The following WDR1 variants were observed in gnomAD, a reference collection of about 807,000 sequenced individuals.
WDR1 encodes the protein WD repeat domain 1.
WDR1 carries 21 observed loss-of-function variants against 71.9 expected under a neutral mutation model. That is an observed-to-expected ratio of 0.29 (90% CI 0.21 to 0.42). The LOEUF (loss-of-function observed/expected upper bound fraction) is 0.42, where lower values mean the gene tolerates loss of function less well. Ranked by LOEUF, WDR1 falls within the 10% of genes least tolerant of loss-of-function variation. WDR1 has a pLI of 1.00. For missense variants in WDR1, 696 were observed against 824.5 expected, an observed-to-expected ratio of 0.84 and a Z score of 1.91; for synonymous variants, 424 against 347.4, an observed-to-expected ratio of 1.22 and a Z score of -2.45.
At chr4:10,113,254 G>A (rs966417008) in intron 2 of WDR1, among the ~76,000 whole-genome samples, 12 of 152,248 alleles carry the variant, frequency 7.9e-5, no homozygotes, top group South Asian at 2.1e-4. Flanking sequence ...CCCACTACTC[G>A]GGAGGCTGAG....
At position 10,075,496 on chromosome 4, in the gene WDR1, G is replaced by C. The variant is rs148982353; in HGVS notation, c.1715-12C>G. On this transcript the variant is annotated splice_polypyrimidine_tract_variant and intron_variant, in intron 14 of 14. Coordinates refer to ENST00000499869, the MANE Select transcript of WDR1 (RefSeq NM_017491.5). ...CAGCCGGTGTGCATCTGGGAAGAAA[G>C]GGTGCAATTTAACGAAAAGCCAAAC... is the stretch of plus-strand genomic sequence containing the variant. The C allele has an allele frequency of 1.2e-6, 2 of 1,613,338 alleles. No homozygotes were observed. Among genetic ancestry groups the C allele is most frequent in the East Asian group, 2.2e-5 (1 of 44,890 alleles).
In WDR1 at chr4:10,114,692, G is replaced by A. The variant is rs531432480; in HGVS notation, c.138+1421C>T. On this transcript the variant is annotated intron_variant, in intron 2 of 14. Transcript: ENST00000499869. The stretch of plus-strand genomic sequence containing the variant: ...CTCAAAAGCCTCAGGACCTGCCTTC[G>A]GAGACTTCCAGATCATTACCATTAG... 1.9e-3 allele frequency among the ~76,000 whole-genome samples: 287 copies of A among 152,310 alleles called. 1 individual carries two copies. The highest frequency in any genetic ancestry group is 6.4e-3 in the African/African-American group (267 of 41,554).
intron 8 of WDR1, among the ~76,000 whole-genome samples, chr4:10,084,892 C>T (rs775209546): frequency 6.6e-6 from 1 of 152,206 alleles, no homozygotes. Context: ...GCACCCGTCG[C>T]GGGGAGCCAC....
intron 8 of WDR1, among the ~76,000 whole-genome samples, chr4:10,087,383 C>T (rs1167690386): frequency 6.6e-6 from 1 of 152,284 alleles, no homozygotes; most frequent in Non-Finnish European, 1.5e-5. Flanking sequence ...ACTCCCAATT[C>T]AGGGAAGGCA....
chr4:10,102,916 C>T (rs1340613107), intron 3 of WDR1, among the ~76,000 whole-genome samples: 56 of 152,048 alleles, frequency 3.7e-4, no homozygotes, highest in Non-Finnish European at 2.9e-4. Context: ...GCAAGGCAGG[C>T]AGTAAGTATC....
intron 1 of WDR1, 80 bp downstream of exon 1, chr4:10,116,571 C>T (rs1402897656): frequency 2.8e-6 from 3 of 1,079,708 alleles, no homozygotes; most frequent in Non-Finnish European, 1.1e-6. Context: ...TCCCCCGCCA[C>T]CCGCACGGCG....
At chr4:10,089,841 A>C (rs546500417) in intron 5 of WDR1, among the ~76,000 whole-genome samples, 1 of 152,338 alleles carries the variant, frequency 6.6e-6, no homozygotes, top group African/African-American at 2.4e-5. Flanking sequence ...TTGATTGTGT[A>C]ATGTTTTCAG....
chr4:10,092,147 T>C (rs549234741), intron 5 of WDR1: 6 of 151,634 alleles, frequency 4.0e-5, no homozygotes, highest in African/African-American at 1.5e-4. Context: ...TTCCTTGAAG[T>C]GCAGTGGGCC....
chr4:10,088,891 C>CT (rs1435124089), intron 5 of WDR1, 150 bp from the exon 6 acceptor site: 1 of 680,960 alleles, frequency 1.5e-6, no homozygotes, highest in Non-Finnish European at 2.6e-6. Flanking sequence ...AAAAAAACAT[C>CT]CTGGGCAGTC....
chr4:10,095,250 A>G (rs1160510161), intron 5 of WDR1, among the ~76,000 whole-genome samples: 2 of 152,282 alleles, frequency 1.3e-5, no homozygotes, highest in Non-Finnish European at 2.9e-5. Flanking sequence ...ATCTGGGGAA[A>G]AAAGACCACT....
Position 10,077,821 on chromosome 4 carries a change from C to T in WDR1, c.1501G>A (p.Gly501Ser), listed in dbSNP as rs958343170. The T allele has an allele frequency of 4.4e-6, 7 of 1,607,574 alleles. No homozygotes were observed. The highest frequency in any genetic ancestry group is 4.0e-5 in the African/African-American group (3 of 74,840). The change falls in exon 13 of 15, where the codon GGC becomes AGC. Residue 501 changes from glycine (G) to serine (S), a missense_variant. By Grantham distance (56) the Gly-to-Ser change is moderately conservative. Transcript: ENST00000499869. ...PVTDVAYSHD[G>S]AFLAVCDASK... ...GCGTCGCACACCGCGAGGAAGGCGCCGTCGTGGGAGTAGGCCACGTCGGTC... is the reference window on the plus strand; with the variant it reads ...GCGTCGCACACCGCGAGGAAGGCGCTGTCGTGGGAGTAGGCCACGTCGGTC...
intron 9 of WDR1, chr4:10,083,678 G>C (rs1167432033): frequency 4.3e-6 from 2 of 467,142 alleles, no homozygotes; most frequent in East Asian, 6.7e-5. Context: ...GCAGAACAAC[G>C]CACAGCAGGT....
chr4:10,092,937 C>T, intron 5 of WDR1: 1 of 647,902 alleles, frequency 1.5e-6, no homozygotes, highest in Non-Finnish European at 2.5e-6. Flanking sequence ...GGTCCACACT[C>T]CTGCCTGTCC....
Position 10,075,286 on chromosome 4 carries a change from G to A in WDR1, c.*92C>T, listed in dbSNP as rs1011955997. On this transcript the variant is annotated 3_prime_UTR_variant, in exon 15 of 15. Coordinates refer to ENST00000499869, the MANE Select transcript of WDR1 (RefSeq NM_017491.5). ...CTCTTGTGGTGGGGTGGGGGCATGG[G>A]GGCGCGTCACAGAAATAGAGAAATG... 4.3e-6 allele frequency: 5 copies of A among 1,165,018 alleles called. No homozygotes were observed. The highest frequency in any genetic ancestry group is 5.1e-5 in the East Asian group (2 of 39,518). 72.2% of individuals were successfully genotyped at this position (1,165,018 alleles called of 1,614,324 possible). A position where few individuals can be genotyped will look rare whatever the true frequency, so the allele number is the denominator to read the frequency against.
At chr4:10,108,738 G>C (rs751463165) in intron 2 of WDR1, among the ~76,000 whole-genome samples, 7 of 152,232 alleles carry the variant, frequency 4.6e-5, no homozygotes, top group Non-Finnish European at 8.8e-5. Context: ...GTAAACTTCT[G>C]CGACAACACA....
intron 14 of WDR1, chr4:10,075,755 CCT>C: frequency 1.8e-6 from 1 of 541,938 alleles, no homozygotes; most frequent in Non-Finnish European, 3.3e-6. Context: ...CCAGTGGCTC[CCT>C]CTCTCCAAGT....
chr4:10,094,812 C>G (rs1712224095), intron 5 of WDR1: 1 of 152,250 alleles, frequency 6.6e-6, no homozygotes, highest in Non-Finnish European at 1.5e-5. Context: ...TACGGTCCCT[C>G]AGGACGAGGG....
chr4:10,084,658 G>A, intron 8 of WDR1, 128 bp from the exon 9 acceptor site: 2 of 829,476 alleles, frequency 2.4e-6, no homozygotes, highest in Admixed American at 2.1e-5. Flanking sequence ...GGCAGTGCAG[G>A]TGCTCTGAGG....
chr4:10,082,370 A>C lies in WDR1; in HGVS notation c.1196+652T>G, dbSNP rs910547297. 3.3e-5 allele frequency among the ~76,000 whole-genome samples: 5 copies of C among 152,086 alleles called. No individual in the cohort carries two copies. In the East Asian group the frequency reaches 9.7e-4, roughly 29 times the overall value. On this transcript the variant is annotated intron_variant, in intron 10 of 14. Transcript: ENST00000499869. ...ACTACCGGGTGACAAAGGGGTCTACACAAGAAATGTAGGGCCAGAGGAGGG... is the reference window on the plus strand; with the variant it reads ...ACTACCGGGTGACAAAGGGGTCTACCCAAGAAATGTAGGGCCAGAGGAGGG...
Sources: gnomAD v4.1 joint callset for allele counts (sites outside exome capture counted in the v4.1 genomes callset) on GRCh38, gnomAD v4.1.1 for gene constraint, MANE v1.5 for transcripts, NCBI Gene and HGNC (gene_info 2026-07-23, HGNC 2026-07-21) for gene names.